TYW1B: variants seen among roughly 807,000 people sequenced by gnomAD.
TYW1B encodes the protein S-adenosyl-L-methionine-dependent tRNA 4-demethylwyosine synthase TYW1B.
TYW1B carries 73 observed loss-of-function variants against 86.9 expected under a neutral mutation model. The observed-to-expected ratio is 0.84, with a 90% CI of 0.70 to 1.02. TYW1B has a LOEUF of 1.02. Among genes scored for constraint, TYW1B ranks in the 50% least tolerant of loss-of-function variants. The pLI is 0.00. For missense variants in TYW1B, 637 were observed against 827.4 expected (o/e 0.77, Z 2.82); for synonymous variants, 248 against 292.8 (o/e 0.85, Z 1.56).
At chr7:72,705,294 G>C (rs1196620829) in intron 10 of TYW1B, among the ~76,000 whole-genome samples, 3 of 152,192 alleles carry the variant, frequency 2.0e-5, no homozygotes, top group Non-Finnish European at 4.4e-5. Context: ...TTCTCTAAAA[G>C]ATGGGGTGAA....
chr7:72,666,888 C>T (rs762660796), intron 11 of TYW1B, among the ~76,000 whole-genome samples: 34 of 151,536 alleles, frequency 2.2e-4, no homozygotes, highest in Non-Finnish European at 3.8e-4. Flanking sequence ...AAAAATTAGC[C>T]AGGCGTGGTG....
intron 7 of TYW1B, among the ~76,000 whole-genome samples, chr7:72,760,210 T>C (rs568215033): frequency 3.9e-5 from 6 of 152,354 alleles, no homozygotes; most frequent in South Asian, 4.1e-4. Flanking sequence ...CTAGCTATTA[T>C]GTAAATGTTG....
intron 6 of TYW1B, among the ~76,000 whole-genome samples, chr7:72,790,341 T>C (rs1227008523): frequency 3.3e-5 from 5 of 152,210 alleles, no homozygotes; most frequent in African/African-American, 1.2e-4. Flanking sequence ...GGCAATGTGG[T>C]ATCAGCCCAA....
At chr7:72,791,500 G>C (rs1328236007) in intron 6 of TYW1B, among the ~76,000 whole-genome samples, 1 of 152,078 alleles carries the variant, frequency 6.6e-6, no homozygotes, top group African/African-American at 2.4e-5. Flanking sequence ...AGAACAGGAC[G>C]GGCACAGTGG....
chr7:72,724,302 T>C (rs185781227), intron 9 of TYW1B, among the ~76,000 whole-genome samples: 11 of 152,126 alleles, frequency 7.2e-5, no homozygotes, highest in Admixed American at 2.6e-4. Context: ...GGAGAACCCA[T>C]CTCTATTAAA....
At chr7:72,666,347 G>A (rs1813461745) in intron 11 of TYW1B, among the ~76,000 whole-genome samples, 1 of 152,060 alleles carries the variant, frequency 6.6e-6, no homozygotes, top group African/African-American at 2.4e-5. Flanking sequence ...GATTGCTTAA[G>A]CCCAGGAGGC....
intron 11 of TYW1B, among the ~76,000 whole-genome samples, chr7:72,642,400 TTAAA>T (rs1397581055): frequency 6.6e-6 from 1 of 152,178 alleles, no homozygotes; most frequent in Non-Finnish European, 1.5e-5. Context: ...CCTGAAAAAG[TTAAA>T]TATAGAATTA....
intron 13 of TYW1B, among the ~76,000 whole-genome samples, chr7:72,589,632 G>T (rs532697848): frequency 6.6e-6 from 1 of 152,260 alleles, no homozygotes; most frequent in African/African-American, 2.4e-5. Flanking sequence ...ATCCCAGCAT[G>T]TTGGGAGGCC....
At chr7:72,704,839 C>A (rs1554453354) in intron 10 of TYW1B, among the ~76,000 whole-genome samples, 1 of 152,082 alleles carries the variant, frequency 6.6e-6, no homozygotes, top group African/African-American at 2.4e-5. Context: ...AAGATTGAAA[C>A]CTAGATCTTT....
intron 6 of TYW1B, among the ~76,000 whole-genome samples, chr7:72,799,355 G>A (rs1404699622): frequency 6.7e-6 from 1 of 150,252 alleles, no homozygotes; most frequent in Non-Finnish European, 1.5e-5. Context: ...TAGAGATGGG[G>A]TTTCACCATG....
At chr7:72,607,087 T>A (rs1418058979) in intron 13 of TYW1B, among the ~76,000 whole-genome samples, 11 of 152,154 alleles carry the variant, frequency 7.2e-5, no homozygotes, top group Admixed American at 2.6e-4. Flanking sequence ...TTCAATGGGC[T>A]ATTAAAAACG....
At chr7:72,751,475 C>T (rs1787499619) in intron 7 of TYW1B, among the ~76,000 whole-genome samples, 1 of 152,182 alleles carries the variant, frequency 6.6e-6, no homozygotes, top group South Asian at 2.1e-4. Context: ...TCTTACTGTA[C>T]GTCTCAATTT....
intron 11 of TYW1B, among the ~76,000 whole-genome samples, chr7:72,667,048 A>AAAAG (rs1554445448): frequency 1.5e-5 from 2 of 131,370 alleles, no homozygotes; most frequent in Non-Finnish European, 3.1e-5. Flanking sequence ...AAAAAAAAAA[A>AAAAG]AAAGAAACTA....
At chr7:72,607,102 C>T (rs1367168621) in intron 13 of TYW1B, among the ~76,000 whole-genome samples, 8 of 152,066 alleles carry the variant, frequency 5.3e-5, no homozygotes, top group Admixed American at 2.6e-4. Flanking sequence ...AAAACGGACA[C>T]AATAAATAGA....
intron 13 of TYW1B, among the ~76,000 whole-genome samples, chr7:72,588,971 C>T (rs1249889799): frequency 2.0e-5 from 3 of 152,094 alleles, no homozygotes; most frequent in African/African-American, 4.8e-5. Flanking sequence ...TGCCACCATG[C>T]CCACCTAATT....
intron 13 of TYW1B, among the ~76,000 whole-genome samples, chr7:72,584,776 T>A (rs1811237172): frequency 6.6e-6 from 1 of 152,068 alleles, no homozygotes; most frequent in African/African-American, 2.4e-5. Context: ...ATTCTTAAGG[T>A]ACTTCAACTT....
intron 1 of TYW1B, among the ~76,000 whole-genome samples, chr7:72,827,795 A>G (rs1788965192): frequency 6.6e-6 from 1 of 152,184 alleles, no homozygotes; most frequent in African/African-American, 2.4e-5. Flanking sequence ...CAAAAGTCGA[A>G]GCCTGAAATT....
intron 11 of TYW1B, among the ~76,000 whole-genome samples, chr7:72,659,446 C>T (rs1484471127): frequency 2.6e-5 from 4 of 152,226 alleles, no homozygotes; most frequent in Non-Finnish European, 4.4e-5. Context: ...GGCGTGGTGG[C>T]CCACACCTGT....
At chr7:72,736,226 C>G (rs1216968596) in intron 8 of TYW1B, among the ~76,000 whole-genome samples, 6 of 152,040 alleles carry the variant, frequency 3.9e-5, no homozygotes, top group African/African-American at 1.4e-4. Context: ...TCAAAAGAGG[C>G]AAAGGCAGAG....
Sources: gnomAD v4.1 joint callset for allele counts (sites outside exome capture counted in the v4.1 genomes callset) on GRCh38, gnomAD v4.1.1 for gene constraint, MANE v1.5 for transcripts, NCBI Gene and HGNC (gene_info 2026-07-23, HGNC 2026-07-21) for gene names.